The following HRH1 variants were observed in gnomAD, a reference collection of about 807,000 sequenced individuals.
HRH1 encodes histamine receptor H1, also known as histamine H1 receptor.
In HRH1, 6 loss-of-function variants were observed where a neutral mutation model predicts 10.3. The ratio of observed to expected loss-of-function variants is 0.58; its 90% CI spans 0.32 to 1.15. The LOEUF (loss-of-function observed/expected upper bound fraction) is 1.15, where lower values mean the gene tolerates loss of function less well. Ranked by LOEUF, HRH1 falls within the 50% of genes most tolerant of loss-of-function variation. The probability of loss-of-function intolerance (pLI) is 0.05; values close to 1 mark genes in which losing one functional copy is unlikely to be tolerated. For missense variants in HRH1, 514 were observed against 615.3 expected (o/e 0.84, Z 1.74); for synonymous variants, 242 against 236.7 (o/e 1.02, Z -0.21).
chr3:11,257,218 A>G (rs1939804059), intron 1 of HRH1, among the ~76,000 whole-genome samples: 2 of 143,682 alleles, frequency 1.4e-5, no homozygotes, highest in Non-Finnish European at 3.0e-5. Context: ...GTGCCACTGC[A>G]CTCCAGCCTG....
intron 1 of HRH1, among the ~76,000 whole-genome samples, chr3:11,141,812 A>G (rs1025602362): frequency 2.0e-5 from 3 of 152,334 alleles, no homozygotes; most frequent in African/African-American, 7.2e-5. Context: ...TGTCAGGGCC[A>G]TCCTGGACAC....
At chr3:11,146,799 C>G (rs1936458787) in intron 1 of HRH1, among the ~76,000 whole-genome samples, 1 of 152,242 alleles carries the variant, frequency 6.6e-6, no homozygotes, top group East Asian at 1.9e-4. Flanking sequence ...CCAGAATTCT[C>G]TGTGTCCTGG....
chr3:11,170,411 T>C (rs561108544), intron 1 of HRH1, among the ~76,000 whole-genome samples: 128 of 152,368 alleles, frequency 8.4e-4, no homozygotes, highest in African/African-American at 2.9e-3. Flanking sequence ...CACATGTTTA[T>C]TTGTGCACCT....
rs148811618 is a variant in HRH1, at chr3:11,260,006, C to T, written c.969C>T (p.Ala323=). ...AAEGSSRDYV[A]VNRSHGQLKT... ...AGGGGAGTAGCAGGGACTATGTAGCCGTCAACCGGAGCCATGGCCAGCTCA... is the reference window on the plus strand; with the variant it reads ...AGGGGAGTAGCAGGGACTATGTAGCTGTCAACCGGAGCCATGGCCAGCTCA... Residue 323 remains alanine (A), a synonymous_variant, in exon 2 of 2, where the codon GCC becomes GCT. Coordinates refer to ENST00000431010, the MANE Select transcript of HRH1 (RefSeq NM_001098212.2). 39 of 1,613,972 alleles carry T rather than the reference C, an allele frequency of 2.4e-5. No individual in the cohort carries two copies. Among genetic ancestry groups the T allele is most frequent in the African/African-American group, 6.7e-5 (5 of 74,894 alleles).
At position 11,259,005 on chromosome 3, in the gene HRH1, A is replaced by G. The variant is rs1391456517; in HGVS notation, c.-33A>G. The G allele has an allele frequency of 1.3e-6, 2 of 1,550,256 alleles. No homozygotes were observed. Among genetic ancestry groups the G allele is most frequent in the South Asian group, 2.5e-5 (2 of 80,510 alleles). ...ACTTTTTCTCTCTTTTCTCCCAGGGAGTGAGCCATAACTGGTGGCTGCTCT... is the reference window on the plus strand; with the variant it reads ...ACTTTTTCTCTCTTTTCTCCCAGGGGGTGAGCCATAACTGGTGGCTGCTCT... On this transcript the variant is annotated splice_region_variant and 5_prime_UTR_variant, in exon 2 of 2. Coordinates refer to ENST00000431010, the MANE Select transcript of HRH1 (RefSeq NM_001098212.2). This position sits in a 1 kb window ranked among gnomAD's most constrained non-coding sequence, Gnocchi z 4.6.
At chr3:11,257,889 T>C (rs1273051469) in intron 1 of HRH1, among the ~76,000 whole-genome samples, 1 of 152,084 alleles carries the variant, frequency 6.6e-6, no homozygotes, top group Non-Finnish European at 1.5e-5. Context: ...AAGTGATCAT[T>C]CCACCTTTAA....
chr3:11,245,914 C>T (rs770702923), intron 1 of HRH1, among the ~76,000 whole-genome samples: 4 of 152,002 alleles, frequency 2.6e-5, no homozygotes, highest in Non-Finnish European at 5.9e-5. Flanking sequence ...CACACACACA[C>T]TCTTAGACAC....
At chr3:11,199,828 G>A (rs756131570) in intron 1 of HRH1, among the ~76,000 whole-genome samples, 3 of 152,110 alleles carry the variant, frequency 2.0e-5, no homozygotes, top group African/African-American at 7.2e-5. Flanking sequence ...TGGTCATTTG[G>A]GTTGGTTCAT....
chr3:11,238,757 C>T (rs1013183219), intron 1 of HRH1, among the ~76,000 whole-genome samples: 1 of 152,206 alleles, frequency 6.6e-6, no homozygotes, highest in Non-Finnish European at 1.5e-5. Flanking sequence ...CAATTCTGGA[C>T]GTTTCATATA....
chr3:11,148,374 T>G (rs1444824535), intron 1 of HRH1, among the ~76,000 whole-genome samples: 1 of 152,154 alleles, frequency 6.6e-6, no homozygotes, highest in Non-Finnish European at 1.5e-5. Context: ...GGATCAGGTT[T>G]ATCTGCATGT....
At chr3:11,144,647 G>C (rs1202925559) in intron 1 of HRH1, among the ~76,000 whole-genome samples, 1 of 151,706 alleles carries the variant, frequency 6.6e-6, no homozygotes, top group Non-Finnish European at 1.5e-5. Context: ...TAGCTACATA[G>C]CCTGAGAACA....
intron 1 of HRH1, among the ~76,000 whole-genome samples, chr3:11,168,526 G>A (rs1937091308): frequency 6.6e-6 from 1 of 152,222 alleles, no homozygotes; most frequent in Non-Finnish European, 1.5e-5. Flanking sequence ...CTGAGCATAA[G>A]GGACATCTCT....
intron 1 of HRH1, among the ~76,000 whole-genome samples, chr3:11,139,834 G>A (rs971748062): frequency 3.3e-5 from 5 of 152,116 alleles, no homozygotes; most frequent in Admixed American, 1.3e-4. Flanking sequence ...GGGGAAAGGG[G>A]GGGAATTAGG....
At chr3:11,200,990 T>C (rs528651635) in intron 1 of HRH1, among the ~76,000 whole-genome samples, 7 of 152,332 alleles carry the variant, frequency 4.6e-5, no homozygotes, top group Non-Finnish European at 8.8e-5. Context: ...TCTTTGTTTT[T>C]TAAGGGGGAA....
chr3:11,157,979 A>G (rs1190375316), intron 1 of HRH1, among the ~76,000 whole-genome samples: 1 of 152,240 alleles, frequency 6.6e-6, no homozygotes, highest in African/African-American at 2.4e-5. Flanking sequence ...AGCAGGCAGC[A>G]CATTTGTTTT....
intron 1 of HRH1, among the ~76,000 whole-genome samples, chr3:11,246,916 G>A (rs1939505771): frequency 6.6e-6 from 1 of 152,144 alleles, no homozygotes; most frequent in South Asian, 2.1e-4. Context: ...GCATGGTGGT[G>A]CGTGCCTGTG....
At position 11,148,810 on chromosome 3, in the gene HRH1, C is replaced by CTTT. The variant is rs755029776; in HGVS notation, c.-36+11434_-36+11436dup. The stretch of plus-strand genomic sequence containing the variant: ...TAGTTATTAAGAGACAAACCACAGT[C>CTTT]TTTTTTTTTTTTTTTTTTTTTTTTT... On this transcript the variant is annotated intron_variant, in intron 1 of 1. Coordinates refer to the HRH1 transcript ENST00000438284. 1.1e-3 allele frequency among the ~76,000 whole-genome samples: 94 copies of CTTT among 84,426 alleles called. 1 individual carries two copies. Among genetic ancestry groups the CTTT allele is most frequent in the Non-Finnish European group, 1.2e-3 (52 of 44,064 alleles). The allele number at this position is 84,426 out of a possible 152,430, so 55.4% of individuals were successfully genotyped here. A position where few individuals can be genotyped will look rare whatever the true frequency, so the allele number is the denominator to read the frequency against.
intron 1 of HRH1, among the ~76,000 whole-genome samples, chr3:11,237,351 GA>G (rs1479520633): frequency 6.6e-6 from 1 of 152,110 alleles, no homozygotes; most frequent in Non-Finnish European, 1.5e-5. Context: ...CTTCACAATG[GA>G]AAAGAGGATG....
intron 1 of HRH1, among the ~76,000 whole-genome samples, chr3:11,172,925 C>T (rs191797472): frequency 6.6e-6 from 1 of 152,102 alleles, no homozygotes; most frequent in East Asian, 1.9e-4. Flanking sequence ...GATGGTCTTC[C>T]TGATCTTGTG....
Sources: allele counts gnomAD v4.1 joint callset (sites outside exome capture counted in the v4.1 genomes callset), GRCh38; gene constraint gnomAD v4.1.1; non-coding constraint Gnocchi (gnomAD v3.1); transcripts MANE v1.5; gene names NCBI Gene and HGNC (gene_info 2026-07-23, HGNC 2026-07-21).